The following PCDHA10 variants were observed in gnomAD, a reference collection of about 807,000 sequenced individuals.
PCDHA10 encodes the protein protocadherin alpha 10.
Under a neutral mutation model 61.2 loss-of-function variants are expected in PCDHA10, and 45 were observed. The observed-to-expected ratio is 0.74, with a 90% CI of 0.58 to 0.94. The LOEUF (loss-of-function observed/expected upper bound fraction) is 0.94. Among genes scored for constraint, PCDHA10 ranks in the 40% least tolerant of loss-of-function variants. The pLI, the probability that PCDHA10 is intolerant of heterozygous loss-of-function variation, is 0.00. For synonymous variants in PCDHA10, 602 were observed against 548.8 expected (o/e 1.10, Z -1.35); for missense variants, 1,278 against 1,236.2 (o/e 1.03, Z -0.51).
chr5:140,920,530 G>T (rs2079676121), intron 1 of PCDHA10, among the ~76,000 whole-genome samples: 1 of 152,148 alleles, frequency 6.6e-6, no homozygotes, highest in African/African-American at 2.4e-5. Context: ...GTTAGACTCA[G>T]GTTTTCTATT....
chr5:140,975,612 C>T (rs1554236918), intron 1 of PCDHA10, among the ~76,000 whole-genome samples: 1 of 152,194 alleles, frequency 6.6e-6, no homozygotes, highest in Non-Finnish European at 1.5e-5. Flanking sequence ...ATGTCTTCCA[C>T]ATGGATTTCC....
chr5:140,869,102 C>G, intron 1 of PCDHA10: 1 of 1,598,758 alleles, frequency 6.3e-7, no homozygotes, highest in Non-Finnish European at 8.5e-7. Context: ...ATTTCGTATG[C>G]GATGTTTGGT....
At chr5:140,864,602 A>T (rs1472168357) in intron 1 of PCDHA10, 2 of 152,210 alleles carry the variant, frequency 1.3e-5, no homozygotes, top group African/African-American at 4.8e-5. Flanking sequence ...CAGATAGCCA[A>T]CAACTTTGTT....
chr5:140,875,291 T>C, intron 1 of PCDHA10: 2 of 1,397,914 alleles, frequency 1.4e-6, no homozygotes, highest in Non-Finnish European at 1.9e-6. Flanking sequence ...AACAGGAAAA[T>C]TTTTTTCTCC....
At chr5:140,947,209 A>C (rs1462777257) in intron 1 of PCDHA10, among the ~76,000 whole-genome samples, 2 of 151,580 alleles carry the variant, frequency 1.3e-5, no homozygotes, top group Non-Finnish European at 3.0e-5. Flanking sequence ...AAAAAAAGAA[A>C]ATCCTGTCAT....
intron 3 of PCDHA10, among the ~76,000 whole-genome samples, chr5:140,992,437 T>G (rs1554252912): frequency 6.6e-6 from 1 of 151,938 alleles, no homozygotes; most frequent in African/African-American, 2.4e-5. Context: ...GTTCCAAGAG[T>G]TGGGAGCAGG....
intron 1 of PCDHA10, among the ~76,000 whole-genome samples, chr5:140,973,304 C>G (rs1252823783): frequency 6.6e-6 from 1 of 152,126 alleles, no homozygotes; most frequent in Non-Finnish European, 1.5e-5. Context: ...TCTGATGACT[C>G]TATCCTGGAA....
chr5:140,970,657 T>C (rs1487534093), intron 1 of PCDHA10, among the ~76,000 whole-genome samples: 1 of 152,232 alleles, frequency 6.6e-6, no homozygotes, highest in Non-Finnish European at 1.5e-5. Context: ...TGAATTGTTA[T>C]CTTTCCAAAT....
chr5:140,882,779 C>G (rs1554175579), intron 1 of PCDHA10: 2 of 1,614,168 alleles, frequency 1.2e-6, no homozygotes, highest in Non-Finnish European at 8.5e-7. Context: ...ATTGACCTAC[C>G]GACTGGATCC....
chr5:140,995,379 G>T (rs1300023701), intron 3 of PCDHA10, among the ~76,000 whole-genome samples: 2 of 152,172 alleles, frequency 1.3e-5, no homozygotes, highest in East Asian at 1.9e-4. Context: ...CACGTACTGG[G>T]CAGGATAAAG....
intron 1 of PCDHA10, among the ~76,000 whole-genome samples, chr5:140,962,257 A>C (rs915555866): frequency 6.6e-6 from 1 of 152,174 alleles, no homozygotes; most frequent in Admixed American, 6.5e-5. Context: ...AATGAAAAAT[A>C]ATTTTATAAT....
chr5:140,976,553 A>C (rs1554237789), intron 1 of PCDHA10, among the ~76,000 whole-genome samples: 1 of 152,074 alleles, frequency 6.6e-6, no homozygotes, highest in African/African-American at 2.4e-5. Flanking sequence ...CCTATCTCAT[A>C]AATAAATAAA....
chr5:140,869,250 G>C (rs371660992), intron 1 of PCDHA10: 4 of 1,613,636 alleles, frequency 2.5e-6, no homozygotes, highest in East Asian at 2.2e-5. Flanking sequence ...GCCGCATCGC[G>C]CAGGACCTGG....
intron 1 of PCDHA10, among the ~76,000 whole-genome samples, chr5:140,937,575 T>C (rs111558133): frequency 1.8e-3 from 268 of 149,140 alleles, no homozygotes; most frequent in African/African-American, 6.4e-3. Context: ...TGGGATCGCG[T>C]CACTGCACTC....
At chr5:140,950,168 T>C (rs2094454639) in intron 1 of PCDHA10, among the ~76,000 whole-genome samples, 1 of 151,996 alleles carries the variant, frequency 6.6e-6, no homozygotes, top group Non-Finnish European at 1.5e-5. Context: ...TTATGTACTT[T>C]AGAGAATTAA....
At chr5:140,955,590 C>CTT (rs1554221986) in intron 1 of PCDHA10, among the ~76,000 whole-genome samples, 2 of 152,132 alleles carry the variant, frequency 1.3e-5, no homozygotes, top group East Asian at 3.9e-4. Context: ...AAACCTCTTT[C>CTT]TTTTATAAAT....
At chr5:140,861,600 A>G (rs782505060) in intron 1 of PCDHA10, 3 of 371,010 alleles carry the variant, frequency 8.1e-6, no homozygotes, top group Non-Finnish European at 1.6e-5. Context: ...GAAAGTGAAG[A>G]ACAATAAAGA....
At chr5:140,982,824 G>GGTTT (rs74513655) in intron 3 of PCDHA10, among the ~76,000 whole-genome samples, 1 of 151,942 alleles carries the variant, frequency 6.6e-6, no homozygotes, top group African/African-American at 2.4e-5. Context: ...AAGTTTTTGG[G>GGTTT]GTTTGTTTGT....
rs185971380 is a variant in PCDHA10, at chr5:140,858,398, G to T, written c.2350G>T (p.Gly784Trp). Residue 784 changes from glycine (G) to tryptophan (W), a missense_variant, in exon 1 of 4, where the codon GGG becomes TGG. Physicochemically the swap from Gly to Trp is radical, Grantham distance 184. Transcript: ENST00000307360. ...ACCATGCCCAATGGTAGATGTGGAC[G>T]GGGAAGATCAGTCTATTGGAGGGGA... ...LPPCPMVDVDGEDQSIGGDHS... is the reference protein window; with the variant it reads ...LPPCPMVDVDWEDQSIGGDHS... The T allele has an allele frequency of 3.4e-5, 54 of 1,574,020 alleles. No homozygotes were observed. In the East Asian group the frequency reaches 1.1e-3, roughly 32 times the overall value.
Sources: gnomAD v4.1 joint callset for allele counts (sites outside exome capture counted in the v4.1 genomes callset) on GRCh38, gnomAD v4.1.1 for gene constraint, MANE v1.5 for transcripts, NCBI Gene and HGNC (gene_info 2026-07-23, HGNC 2026-07-21) for gene names.